Variants in PAFAH1B1 observed in about 807,000 individuals in gnomAD.
PAFAH1B1 encodes the protein platelet activating factor acetylhydrolase 1b regulatory subunit 1.
In PAFAH1B1, 2 loss-of-function variants were observed where a neutral mutation model predicts 57.5. The ratio of observed to expected loss-of-function variants is 0.03; its 90% confidence interval spans 0.01 to 0.11. The LOEUF (loss-of-function observed/expected upper bound fraction) is 0.11. Ranked by LOEUF, PAFAH1B1 falls within the 10% of genes least tolerant of loss-of-function variation. PAFAH1B1 has a pLI of 1.00. For synonymous variants in PAFAH1B1, 152 were observed against 169.6 expected, an observed-to-expected ratio of 0.90 and a Z score of 0.81; for missense variants, 257 against 512.0, an observed-to-expected ratio of 0.50 and a Z score of 4.81.
intron 2 of PAFAH1B1, among the ~76,000 whole-genome samples, chr17:2,654,544 A>G (rs368546179): frequency 1.3e-5 from 2 of 152,324 alleles, no homozygotes; most frequent in South Asian, 2.1e-4. Context: ...TTCACTTTCT[A>G]TGCAGTGACG....
chr17:2,603,374 A>C (rs2068167503), intron 1 of PAFAH1B1, among the ~76,000 whole-genome samples: 1 of 152,160 alleles, frequency 6.6e-6, no homozygotes, highest in Admixed American at 6.5e-5. Flanking sequence ...TAATCCCAGC[A>C]CTTGGGGAGG....
Position 2,684,522 on chromosome 17 carries a change from T to C in PAFAH1B1, c.*2720T>C, listed in dbSNP as rs2069442047. On this transcript the variant is annotated 3_prime_UTR_variant, in exon 11 of 11. Transcript: ENST00000397195. ...TGCATCCTCAGATGATTATTGACTG[T>C]GTGTGTGTGTGAAAACAGACATTCC... 1 of 152,556 alleles carries C rather than the reference T, an allele frequency of 6.6e-6. No homozygotes were observed. The highest frequency in any genetic ancestry group is 6.5e-5 in the Admixed American group (1 of 15,274). The allele number at this position is 152,556 out of a possible 1,614,324, so 9.5% of individuals were successfully genotyped here.
chr17:2,659,210 C>A (rs1255544231), intron 2 of PAFAH1B1, among the ~76,000 whole-genome samples: 1 of 150,170 alleles, frequency 6.7e-6, no homozygotes, highest in African/African-American at 2.5e-5. Flanking sequence ...GAGATTGCCA[C>A]ACTGCAGCCT....
Position 2,619,190 on chromosome 17 carries a change from C to T in PAFAH1B1, c.-190-18909C>T, listed in dbSNP as rs556966346. Reference sequence around the variant, plus strand: ...TTTGAGACAGGGTCTCACTGTGTCTCCTAGGCTTTCGTGTAGCGGCGTAAT... The same window carrying T: ...TTTGAGACAGGGTCTCACTGTGTCTTCTAGGCTTTCGTGTAGCGGCGTAAT... On this transcript the variant is annotated intron_variant, in intron 1 of 10. Coordinates refer to ENST00000397195, the MANE Select transcript of PAFAH1B1 (RefSeq NM_000430.4). Among the ~76,000 whole-genome samples the T allele has an allele frequency of 9.3e-4, 142 of 152,020 alleles. 1 individual carries two copies. The highest frequency in any genetic ancestry group is 1.5e-3 in the Non-Finnish European group (102 of 67,982).
chr17:2,597,652 G>C (rs370287323), intron 1 of PAFAH1B1, among the ~76,000 whole-genome samples: 3,583 of 151,186 alleles, frequency 0.024, 117 homozygotes, highest in African/African-American at 0.078. Context: ...CTCGTGATCC[G>C]CCCGCCTCTG....
intron 2 of PAFAH1B1, among the ~76,000 whole-genome samples, chr17:2,652,330 G>A (rs990516483): frequency 1.3e-5 from 2 of 152,180 alleles, no homozygotes; most frequent in African/African-American, 4.8e-5. Flanking sequence ...CAGGAGAATG[G>A]CGTGAACCCG....
At chr17:2,618,122 C>A (rs2068371811) in intron 1 of PAFAH1B1, among the ~76,000 whole-genome samples, 1 of 150,640 alleles carries the variant, frequency 6.6e-6, no homozygotes, top group South Asian at 2.1e-4. Flanking sequence ...GTGGTGGGCA[C>A]CTGTAATCCC....
At chr17:2,595,220 T>A (rs1471231464) in intron 1 of PAFAH1B1, among the ~76,000 whole-genome samples, 2 of 152,190 alleles carry the variant, frequency 1.3e-5, no homozygotes, top group African/African-American at 4.8e-5. Context: ...CCATCTCTCC[T>A]TTAAGCACAC....
chr17:2,636,028 C>T (rs1456466891), intron 1 of PAFAH1B1, among the ~76,000 whole-genome samples: 1 of 151,888 alleles, frequency 6.6e-6, no homozygotes, highest in African/African-American at 2.4e-5. Context: ...GAGGCTGAGC[C>T]CAGCTTGGTT....
At chr17:2,618,346 T>C (rs548251034) in intron 1 of PAFAH1B1, among the ~76,000 whole-genome samples, 20 of 152,194 alleles carry the variant, frequency 1.3e-4, no homozygotes, top group Non-Finnish European at 1.9e-4. Context: ...CACACGATAC[T>C]TCAAGAACAT....
At chr17:2,664,286 AGGCTGGAGTGCAGT>A (rs1437265000) in intron 2 of PAFAH1B1, among the ~76,000 whole-genome samples, 1 of 152,146 alleles carries the variant, frequency 6.6e-6, no homozygotes, top group Non-Finnish European at 1.5e-5. Context: ...GTTGTTGCCT[AGGCTGGAGTGCAGT>A]GGCACGAACT....
intron 1 of PAFAH1B1, among the ~76,000 whole-genome samples, chr17:2,628,225 G>C (rs749006216): frequency 6.6e-6 from 1 of 151,976 alleles, no homozygotes; most frequent in Admixed American, 6.6e-5. Context: ...TGTCATAGTT[G>C]GCTTTTATTA....
rs2068650978 is a variant in PAFAH1B1, at chr17:2,638,379, A to AT, written c.32+59_32+60insT. 5.1e-6 allele frequency: 7 copies of AT among 1,376,094 alleles called. No homozygotes were observed. The Admixed American group carries it at 6.8e-5, about 13-fold the overall frequency. 85.2% of individuals were successfully genotyped at this position (1,376,094 alleles called of 1,614,324 possible). On this transcript the variant is annotated intron_variant, in intron 2 of 10. Coordinates refer to ENST00000397195, the MANE Select transcript of PAFAH1B1 (RefSeq NM_000430.4). ...CTCCCTCATGAGAGAGAAAGTAGTA[A>AT]ATTAAAATACAGCTTTGGGAGGTCT...
chr17:2,630,674 GT>G (rs1356754779), intron 1 of PAFAH1B1, among the ~76,000 whole-genome samples: 1 of 152,136 alleles, frequency 6.6e-6, no homozygotes, highest in African/African-American at 2.4e-5. Context: ...GGCCGGGGGA[GT>G]TTCCTCAGTT....
chr17:2,634,243 T>A lies in PAFAH1B1; in HGVS notation c.-190-3856T>A, dbSNP rs567203375. Among the ~76,000 whole-genome samples the A allele has an allele frequency of 3.9e-5, 6 of 152,286 alleles. No homozygotes were observed. In the South Asian group the frequency reaches 1.2e-3, roughly 32 times the overall value. On this transcript the variant is annotated intron_variant, in intron 1 of 10. Coordinates refer to ENST00000397195, the MANE Select transcript of PAFAH1B1 (RefSeq NM_000430.4). ...CCTCCGCCTCCCAGGTTCAAGCGAT[T>A]CTCCTGCCTCAGCCTCTCAAGTAGC... is the stretch of plus-strand genomic sequence containing the variant.
At chr17:2,667,608 T>C (rs796816958) in intron 5 of PAFAH1B1, 16 of 237,344 alleles carry the variant, frequency 6.7e-5, no homozygotes, top group African/African-American at 3.7e-4. Context: ...GAAAAGTGTG[T>C]GTCTTACCTT....
intron 2 of PAFAH1B1, among the ~76,000 whole-genome samples, chr17:2,661,191 T>C (rs111592279): frequency 0.012 from 1,837 of 152,316 alleles, 34 homozygotes; most frequent in African/African-American, 0.042. Context: ...CACTTGTCAA[T>C]TTTAGCTTTT....
At chr17:2,612,309 T>C (rs1311332648) in intron 1 of PAFAH1B1, among the ~76,000 whole-genome samples, 1 of 151,594 alleles carries the variant, frequency 6.6e-6, no homozygotes, top group African/African-American at 2.4e-5. Flanking sequence ...GTTCGAGTGA[T>C]TCTCCTGCCT....
At chr17:2,595,755 G>A (rs762932809) in intron 1 of PAFAH1B1, among the ~76,000 whole-genome samples, 7 of 152,116 alleles carry the variant, frequency 4.6e-5, no homozygotes, top group Non-Finnish European at 8.8e-5. Context: ...AAAAGAAATT[G>A]AAGGCTGGTA....
Sources: allele counts gnomAD v4.1 joint callset (sites outside exome capture counted in the v4.1 genomes callset), GRCh38; gene constraint gnomAD v4.1.1; transcripts MANE v1.5; gene names NCBI Gene and HGNC (gene_info 2026-07-23, HGNC 2026-07-21).